Variants in ZC3H14 observed in about 807,000 individuals in gnomAD.
The protein encoded by ZC3H14 is zinc finger CCCH-type containing 14.
ZC3H14 carries 31 observed loss-of-function variants against 92.4 expected under a neutral mutation model. That is an observed-to-expected ratio of 0.34 (90% confidence interval 0.25 to 0.45). The LOEUF is 0.45. Ranked by LOEUF, ZC3H14 falls within the 20% of genes least tolerant of loss-of-function variation. The pLI is 1.00. For missense variants in ZC3H14, 781 were observed against 897.3 expected, an observed-to-expected ratio of 0.87 and a Z score of 1.66; for synonymous variants, 321 against 300.9, an observed-to-expected ratio of 1.07 and a Z score of -0.69.
chr14:88,570,550 G>A (rs10145425), intron 3 of ZC3H14, among the ~76,000 whole-genome samples: 89,214 of 151,948 alleles, frequency 0.59, 28,781 homozygotes, highest in Non-Finnish European at 0.74. Flanking sequence ...TGCTTAAATG[G>A]TGGTAATAAT....
chr14:88,581,332 G>A (rs1175013468), intron 9 of ZC3H14, among the ~76,000 whole-genome samples: 1 of 152,052 alleles, frequency 6.6e-6, no homozygotes, highest in Non-Finnish European at 1.5e-5. Context: ...GCCGAGGTGG[G>A]CAGATCACCT....
At chr14:88,587,813 G>C (rs1483955084) in intron 9 of ZC3H14, among the ~76,000 whole-genome samples, 1 of 151,940 alleles carries the variant, frequency 6.6e-6, no homozygotes, top group South Asian at 2.1e-4. Context: ...AATTAGCTGG[G>C]TGTGATGATG....
intron 9 of ZC3H14, among the ~76,000 whole-genome samples, chr14:88,588,308 TC>T (rs1295248398): frequency 3.9e-5 from 6 of 152,138 alleles, no homozygotes; most frequent in African/African-American, 1.4e-4. Context: ...AGTGCATTTC[TC>T]CGTTTTGTAA....
At chr14:88,600,565 C>G (rs545055169) in intron 10 of ZC3H14, among the ~76,000 whole-genome samples, 1 of 152,056 alleles carries the variant, frequency 6.6e-6, no homozygotes, top group African/African-American at 2.4e-5. Flanking sequence ...CCTCAGCCTC[C>G]CAAGTAGCTG....
At position 88,574,580 on chromosome 14, in the gene ZC3H14, T is replaced by C. The variant is rs2080916772; in HGVS notation, c.862-113T>C. On this transcript the variant is annotated intron_variant, in intron 6 of 16. Transcript: ENST00000251038. ...TTTTACATAAAACCAAGAAATACTC[T>C]GTGAATTTCTCATATTACTGTGTAC... 5 of 1,301,294 alleles carry C rather than the reference T, an allele frequency of 3.8e-6. No homozygotes were observed. In the South Asian group the frequency reaches 6.2e-5, roughly 16 times the overall value. 80.6% of individuals were successfully genotyped at this position (1,301,294 alleles called of 1,614,324 possible).
chr14:88,572,225 G>T lies in ZC3H14; in HGVS notation c.431G>T (p.Arg144Ile). 6.2e-7 allele frequency: 1 copy of T among 1,614,068 alleles called. No individual in the cohort carries two copies. Among genetic ancestry groups the T allele is most frequent in the Non-Finnish European group, 8.5e-7 (1 of 1,179,992 alleles). Residue 144 changes from arginine (R) to isoleucine (I), a missense_variant and splice_region_variant, in exon 5 of 17, where the codon AGA (arginine) becomes ATA (isoleucine). Physicochemically the swap from Arg to Ile is moderately conservative, Grantham distance 97 (BLOSUM62 -3). Coordinates refer to ENST00000251038, the MANE Select transcript of ZC3H14 (RefSeq NM_024824.5). The part of the protein sequence containing the change: ...SSQESKTTNV[R>I]QTYDDGAATR... ...CAGGAGTCAAAAACCACAAATGTCAGGTAAGAGTCTGGTGTAGACCTGCTG... is the reference window on the plus strand; with the variant it reads ...CAGGAGTCAAAAACCACAAATGTCATGTAAGAGTCTGGTGTAGACCTGCTG...
In ZC3H14 at chr14:88,568,032, T is replaced by TA; in HGVS notation, c.80-4dup. The TA allele has an allele frequency of 6.2e-7, 1 of 1,612,528 alleles. No homozygotes were observed. Among genetic ancestry groups the TA allele is most frequent in the Non-Finnish European group, 8.5e-7 (1 of 1,178,648 alleles). On this transcript the variant is annotated splice_region_variant and splice_polypyrimidine_tract_variant and intron_variant, in intron 2 of 16. Coordinates refer to ENST00000251038, the MANE Select transcript of ZC3H14 (RefSeq NM_024824.5). ...CAAAGTTTTGATCTACCTTTCCTTT[T>TA]AAATAGATGAAGAACTTCCTGATTA...
In ZC3H14 at chr14:88,572,801, G is replaced by C. The variant is rs2080609264; in HGVS notation, c.655G>C (p.Ala219Pro). 1.9e-6 allele frequency: 3 copies of C among 1,614,048 alleles called. No homozygotes were observed. The highest frequency in any genetic ancestry group is 2.5e-6 in the Non-Finnish European group (3 of 1,180,046). Reference sequence around the variant, plus strand: ...TTCTATTGAAATTTATCGACCACCTGCAAGTAGAAATGCAGATAGTGGTGT... The same window carrying C: ...TTCTATTGAAATTTATCGACCACCTCCAAGTAGAAATGCAGATAGTGGTGT... ...RPSIEIYRPP[A>P]SRNADSGVHL... Residue 219 changes from alanine to proline, a missense_variant, in exon 6 of 17, where the codon GCA (alanine) becomes CCA (proline). By Grantham distance (27) the Ala-to-Pro change is conservative. This residue lies in a region of ZC3H14 where 454 missense variants were observed against 438.5 expected (regional missense o/e 1.04). Coordinates refer to ENST00000251038, the MANE Select transcript of ZC3H14 (RefSeq NM_024824.5).
intron 8 of ZC3H14, among the ~76,000 whole-genome samples, chr14:88,576,783 A>G (rs2081218377): frequency 6.6e-6 from 1 of 151,718 alleles, no homozygotes; most frequent in African/African-American, 2.4e-5. Flanking sequence ...TGTAGCCATC[A>G]GTTTTTTTAT....
Position 88,602,041 on chromosome 14 carries a change from C to G in ZC3H14, c.1472C>G (p.Ala491Gly). ...APNQESGMKT[A>G]DSLRVLSGHL... ...AACCAAGAGTCGGGGATGAAGACTG[C>G]AGATTCCCTTCGGGTACTTTCAGGA... The change falls in exon 11 of 17, where the codon GCA (alanine) becomes GGA (glycine). Residue 491 changes from alanine (A) to glycine (G), a missense_variant. This residue lies in a region of ZC3H14 where 454 missense variants were observed against 438.5 expected (regional missense o/e 1.04). Transcript: ENST00000251038. The G allele has an allele frequency of 1.9e-6, 3 of 1,614,124 alleles. No homozygotes were observed. The highest frequency in any genetic ancestry group is 2.5e-6 in the Non-Finnish European group (3 of 1,179,994).
intron 12 of ZC3H14, among the ~76,000 whole-genome samples, chr14:88,605,004 A>G (rs557074947): frequency 3.9e-5 from 6 of 152,352 alleles, no homozygotes; most frequent in African/African-American, 1.4e-4. Context: ...CCTTCGTATG[A>G]CTTAATGTTT....
intron 9 of ZC3H14, among the ~76,000 whole-genome samples, chr14:88,583,267 C>T (rs2082127475): frequency 6.6e-6 from 1 of 151,754 alleles, no homozygotes; most frequent in Non-Finnish European, 1.5e-5. Context: ...TAGGCACACG[C>T]CACCACGCCC....
intron 2 of ZC3H14, among the ~76,000 whole-genome samples, chr14:88,567,124 A>ATTTT (rs1555395154): frequency 8.9e-5 from 13 of 145,300 alleles, no homozygotes; most frequent in South Asian, 2.1e-4. Context: ...TTATTTATTT[A>ATTTT]TTTTTTTTTG....
intron 8 of ZC3H14, 94 bp from the exon 9 acceptor site, chr14:88,577,891 A>G (rs1441592072): frequency 1.3e-6 from 2 of 1,532,168 alleles, no homozygotes; most frequent in East Asian, 2.3e-5. Flanking sequence ...TCCTAAACCA[A>G]AGGAGGCATT....
intron 4 of ZC3H14, 71 bp downstream of exon 4, chr14:88,571,195 A>G: frequency 7.2e-7 from 1 of 1,384,726 alleles, no homozygotes; most frequent in Non-Finnish European, 9.9e-7. Flanking sequence ...CTAAAGTCAT[A>G]GTGCTTTGGG....
intron 9 of ZC3H14, chr14:88,591,113 C>A (rs1482173267): frequency 1.3e-5 from 2 of 152,140 alleles, no homozygotes; most frequent in East Asian, 3.8e-4. Context: ...CTTACGTACA[C>A]ATGCTGTATT....
intron 2 of ZC3H14, 138 bp downstream of exon 2, chr14:88,563,831 G>A: frequency 1.2e-6 from 1 of 828,718 alleles, no homozygotes; most frequent in Non-Finnish European, 2.0e-6. Flanking sequence ...TATACTCCCT[G>A]GTTACTTCTT....
chr14:88,601,020 T>C (rs2084570397), intron 10 of ZC3H14, among the ~76,000 whole-genome samples: 1 of 152,168 alleles, frequency 6.6e-6, no homozygotes. Context: ...TACTGCTGAC[T>C]TCAGATGTTC....
intron 9 of ZC3H14, among the ~76,000 whole-genome samples, chr14:88,581,284 T>C (rs1044182561): frequency 6.6e-6 from 1 of 152,080 alleles, no homozygotes; most frequent in Non-Finnish European, 1.5e-5. Context: ...TTGGGCTGGG[T>C]GCAGTTGCTC....
Sources: allele counts gnomAD v4.1 joint callset (sites outside exome capture counted in the v4.1 genomes callset), GRCh38; gene constraint gnomAD v4.1.1; regional missense constraint gnomAD v4.1.1; transcripts MANE v1.5; gene names NCBI Gene and HGNC (gene_info 2026-07-23, HGNC 2026-07-21).